Variants in USP45 observed in about 807,000 individuals in gnomAD.
The protein encoded by USP45 is ubiquitin specific peptidase 45, also known as ubiquitin carboxyl-terminal hydrolase 45.
Under a neutral mutation model 95.8 loss-of-function variants are expected in USP45, and 89 were observed. The observed-to-expected ratio is 0.93, with a 90% CI of 0.78 to 1.11. USP45 has a LOEUF of 1.11. Among genes scored for constraint, USP45 ranks in the 50% least tolerant of loss-of-function variants. The pLI is 0.00. For synonymous variants in USP45, 281 were observed against 316.2 expected (o/e 0.89, Z 1.18); for missense variants, 898 against 942.5 (o/e 0.95, Z 0.62).
At chr6:99,473,777 AACACACACAC>A (rs60031754) in intron 9 of USP45, among the ~76,000 whole-genome samples, 1 of 127,736 alleles carries the variant, frequency 7.8e-6, no homozygotes, top group Non-Finnish European at 1.6e-5. Context: ...AAAAAAACAA[AACACACACAC>A]ACACACACAC....
chr6:99,484,025 T>TTTTTTTA (rs1427246582), intron 7 of USP45, among the ~76,000 whole-genome samples: 7 of 145,634 alleles, frequency 4.8e-5, no homozygotes, highest in South Asian at 2.2e-4. Context: ...TTTTTTTTTT[T>TTTTTTTA]AAAGAGACAG....
intron 14 of USP45, 146 bp downstream of exon 14, chr6:99,445,651 C>T (rs9494471): frequency 0.12 from 76,468 of 612,472 alleles, 7,142 homozygotes; most frequent in East Asian, 0.4. Context: ...GTATTGTAAG[C>T]GCTCAGGTAC....
chr6:99,506,512 T>C (rs564780634), intron 4 of USP45, among the ~76,000 whole-genome samples: 3 of 152,272 alleles, frequency 2.0e-5, no homozygotes, highest in African/African-American at 7.2e-5. Flanking sequence ...TTTCACCATA[T>C]TGGCCAGGCT....
intron 15 of USP45, among the ~76,000 whole-genome samples, chr6:99,441,688 G>C (rs1375330820): frequency 6.6e-6 from 1 of 152,096 alleles, no homozygotes; most frequent in Admixed American, 6.5e-5. Context: ...AATTTGGACA[G>C]GTTGAAAAAA....
In USP45 at chr6:99,503,927, G is replaced by A; in HGVS notation, c.378-62C>T. On this transcript the variant is annotated intron_variant, in intron 4 of 17. Coordinates refer to ENST00000500704, the MANE Select transcript of USP45 (RefSeq NM_001346022.3). ...ATATTCTCAATAATTTTGCACATCA[G>A]ATAACAAAGTTGGTATTTAGTTACT... 7 of 1,203,344 alleles carry A rather than the reference G, an allele frequency of 5.8e-6. No homozygotes were observed. In the South Asian group the frequency reaches 9.7e-5, roughly 17 times the overall value. The allele number at this position is 1,203,344 out of a possible 1,614,324, so 74.5% of individuals were successfully genotyped here. A position where few individuals can be genotyped will look rare whatever the true frequency, so the allele number is the denominator to read the frequency against.
chr6:99,441,394 T>C (rs1190097883), intron 15 of USP45, among the ~76,000 whole-genome samples: 2 of 151,892 alleles, frequency 1.3e-5, no homozygotes, highest in Non-Finnish European at 2.9e-5. Context: ...TAGCCAGGTG[T>C]GGTGGTGGGT....
At chr6:99,511,240 G>A (rs1280006485) in intron 1 of USP45, among the ~76,000 whole-genome samples, 1 of 151,394 alleles carries the variant, frequency 6.6e-6, no homozygotes, top group Admixed American at 6.6e-5. Flanking sequence ...CAACCTCCAC[G>A]TCCTGGGTTC....
rs117898021 is a variant in USP45 at position 99,503,394 on chromosome 6, T to C, written c.478+371A>G. On this transcript the variant is annotated intron_variant, in intron 5 of 17. Coordinates refer to ENST00000500704, the MANE Select transcript of USP45 (RefSeq NM_001346022.3). ...TAGACTGGAGTGCAGTGGCATGTTCTTGGCTCACTGCAACCTCCGCCTCCC... is the reference window on the plus strand; with the variant it reads ...TAGACTGGAGTGCAGTGGCATGTTCCTGGCTCACTGCAACCTCCGCCTCCC... Among the ~76,000 whole-genome samples, 632 of 152,178 alleles carry C rather than the reference T, an allele frequency of 4.2e-3. 3 individuals carry two copies. The highest frequency in any genetic ancestry group is 1.0e-2 in the South Asian group (48 of 4,816).
intron 9 of USP45, among the ~76,000 whole-genome samples, chr6:99,469,107 CT>C (rs1266480173): frequency 1.3e-5 from 2 of 152,114 alleles, no homozygotes; most frequent in Non-Finnish European, 2.9e-5. Flanking sequence ...ACACATATAA[CT>C]AAAGTCCAAA....
intron 5 of USP45, among the ~76,000 whole-genome samples, chr6:99,496,405 TA>T (rs1164221906): frequency 3.6e-4 from 53 of 146,554 alleles, no homozygotes; most frequent in African/African-American, 3.5e-4. Flanking sequence ...CTTTCTTATT[TA>T]AAAAAAAAAA....
chr6:99,471,768 A>AC (rs1789455527), intron 9 of USP45, among the ~76,000 whole-genome samples: 1 of 152,196 alleles, frequency 6.6e-6, no homozygotes, highest in African/African-American at 2.4e-5. Context: ...GGCAGACATA[A>AC]CACTGTAGCC....
chr6:99,465,687 C>T (rs1236383676), intron 11 of USP45, among the ~76,000 whole-genome samples: 4 of 152,092 alleles, frequency 2.6e-5, no homozygotes, highest in Non-Finnish European at 5.9e-5. Flanking sequence ...TATAATCCTG[C>T]TTCTTTAAGG....
intron 13 of USP45, chr6:99,461,450 CTATTTTTTCTG>C (rs1786453365): frequency 1.0e-6 from 1 of 985,238 alleles, no homozygotes; most frequent in Non-Finnish European, 1.2e-6. Flanking sequence ...CCTCCTGTTA[CTATTTTTTCTG>C]TATTTAGGCC....
At chr6:99,455,204 G>C (rs1213417231) in intron 13 of USP45, among the ~76,000 whole-genome samples, 2 of 152,124 alleles carry the variant, frequency 1.3e-5, no homozygotes, top group African/African-American at 4.8e-5. Context: ...CACTTTGGGA[G>C]ACTGAGGTGG....
rs545582225 is a variant in USP45, at chr6:99,465,264, A to G, written c.1108-128T>C. ...TACGTTAAAAACTGTTCCTGAAAAA[A>G]ATAGCAATTTAATTGGGTATTGCAG... is the stretch of plus-strand genomic sequence containing the variant. On this transcript the variant is annotated intron_variant, in intron 11 of 17. Coordinates refer to ENST00000500704, the MANE Select transcript of USP45 (RefSeq NM_001346022.3). The G allele has an allele frequency of 1.6e-5, 10 of 630,314 alleles. No individual in the cohort carries two copies. The East Asian group carries it at 2.8e-4, about 18-fold the overall frequency. 39.0% of individuals were successfully genotyped at this position (630,314 alleles called of 1,614,324 possible).
At chr6:99,464,488 C>CA in intron 13 of USP45, 116 bp downstream of exon 13, 1 of 1,159,004 alleles carries the variant, frequency 8.6e-7, no homozygotes, top group Non-Finnish European at 1.2e-6. Context: ...ATTATGAAGC[C>CA]AAAAAATGGG....
In USP45 at chr6:99,446,522, C is replaced by T. The variant is rs1582995647; in HGVS notation, c.1309-59G>A. ...CTTGTAACCTCATTGAAAATAAATG[C>T]CAATAATTCTTAAACATATCATAGT... On this transcript the variant is annotated intron_variant, in intron 13 of 17. Transcript: ENST00000500704. 2.8e-6 allele frequency: 4 copies of T among 1,423,272 alleles called. No homozygotes were observed. The East Asian group carries it at 7.0e-5, about 25-fold the overall frequency. 88.2% of individuals were successfully genotyped at this position (1,423,272 alleles called of 1,614,324 possible). A position where few individuals can be genotyped will look rare whatever the true frequency, so the allele number is the denominator to read the frequency against.
intron 13 of USP45, among the ~76,000 whole-genome samples, chr6:99,457,648 C>G (rs1369635956): frequency 6.6e-6 from 1 of 152,118 alleles, no homozygotes; most frequent in African/African-American, 2.4e-5. Flanking sequence ...GATCATATAA[C>G]TAATAAAAAT....
intron 13 of USP45, among the ~76,000 whole-genome samples, chr6:99,454,669 T>C (rs1376931549): frequency 1.3e-5 from 2 of 152,200 alleles, no homozygotes; most frequent in Non-Finnish European, 2.9e-5. Context: ...CAATGAAATA[T>C]CATTTTACCC....
Sources: allele counts gnomAD v4.1 joint callset (sites outside exome capture counted in the v4.1 genomes callset), GRCh38; gene constraint gnomAD v4.1.1; transcripts MANE v1.5; gene names NCBI Gene and HGNC (gene_info 2026-07-23, HGNC 2026-07-21).